Variants in ALYREF observed in about 807,000 individuals in gnomAD.
ALYREF encodes Aly/REF export factor.
A neutral mutation model predicts 25.2 loss-of-function variants in ALYREF; 1 was observed. The ratio of observed to expected loss-of-function variants is 0.04; its 90% CI spans 0.01 to 0.19. The LOEUF (loss-of-function observed/expected upper bound fraction) is 0.19, where lower values mean the gene tolerates loss of function less well. Ranked by LOEUF, ALYREF falls within the 10% of genes least tolerant of loss-of-function variation. ALYREF has a pLI of 1.00. For synonymous variants in ALYREF, 193 were observed against 153.5 expected, an observed-to-expected ratio of 1.26 and a Z score of -1.90; for missense variants, 328 against 375.6, an observed-to-expected ratio of 0.87 and a Z score of 1.05.
chr17:81,888,663 A>G lies in ALYREF; in HGVS notation c.539-80T>C. 1 of 1,539,556 alleles carries G rather than the reference A, an allele frequency of 6.5e-7. No homozygotes were observed. Among genetic ancestry groups the G allele is most frequent in the Middle Eastern group, 1.7e-4 (1 of 5,950 alleles). On this transcript the variant is annotated intron_variant, in intron 3 of 5. Transcript: ENST00000505490. The surrounding 1 kb of genome is among the most constrained non-coding windows in gnomAD (Gnocchi z 5.8). The stretch of plus-strand genomic sequence containing the variant: ...CAGCTGGCGCCACACCCTGGTCTCC[A>G]TGCAAACACTGGAAAGGGCCTCTGT...
At position 81,888,641 on chromosome 17, in the gene ALYREF, C is replaced by G; in HGVS notation, c.539-58G>C. 1.3e-6 allele frequency: 2 copies of G among 1,551,022 alleles called. No homozygotes were observed. Among genetic ancestry groups the G allele is most frequent in the Non-Finnish European group, 1.7e-6 (2 of 1,144,978 alleles). On this transcript the variant is annotated intron_variant, in intron 3 of 5. Transcript: ENST00000505490. This position sits in a 1 kb window ranked among gnomAD's most constrained non-coding sequence, Gnocchi z 5.8. Reference sequence around the variant, plus strand: ...TTGAGAGGCTCTGAAACCCACCCAGCTGGCGCCACACCCTGGTCTCCATGC... The same window carrying G: ...TTGAGAGGCTCTGAAACCCACCCAGGTGGCGCCACACCCTGGTCTCCATGC...
At position 81,888,031 on chromosome 17, in the gene ALYREF, C is replaced by T. The variant is rs1598289933; in HGVS notation, c.*100G>A. ...ATCCTATTTTAAAACATAAAAGAAA[C>T]AAATCCATCATTGGCCGCACAGCCC... On this transcript the variant is annotated 3_prime_UTR_variant, in exon 6 of 6. Coordinates refer to ENST00000505490, the MANE Select transcript of ALYREF (RefSeq NM_005782.4). This position sits in a 1 kb window ranked among gnomAD's most constrained non-coding sequence, Gnocchi z 5.8. 3 of 1,310,162 alleles carry T rather than the reference C, an allele frequency of 2.3e-6. No individual in the cohort carries two copies. Among genetic ancestry groups the T allele is most frequent in the Non-Finnish European group, 3.1e-6 (3 of 958,362 alleles). The allele number at this position is 1,310,162 out of a possible 1,614,324, so 81.2% of individuals were successfully genotyped here.
At chr17:81,889,655 G>A (rs966746035) in intron 2 of ALYREF, 5 of 272,750 alleles carry the variant, frequency 1.8e-5, no homozygotes. Context: ...CCCAAGGGCT[G>A]TTCCAAGAAA....
rs1182996881 is a variant in ALYREF at position 81,888,185 on chromosome 17, G to C, written c.781-40C>G. 6 of 1,613,952 alleles carry C rather than the reference G, an allele frequency of 3.7e-6. No individual in the cohort carries two copies. Among genetic ancestry groups the C allele is most frequent in the Non-Finnish European group, 4.2e-6 (5 of 1,180,024 alleles). The stretch of plus-strand genomic sequence containing the variant: ...AGAAAGAGGCTTGCATTCACAGGCG[G>C]CCTGCTCCCCACTGCGGCTTTGACC... On this transcript the variant is annotated intron_variant, in intron 5 of 5. Coordinates refer to ENST00000505490, the MANE Select transcript of ALYREF (RefSeq NM_005782.4). The surrounding 1 kb of genome is among the most constrained non-coding windows in gnomAD (Gnocchi z 5.8).
chr17:81,890,317 A>T (rs1361010743), intron 2 of ALYREF, among the ~76,000 whole-genome samples: 1 of 152,162 alleles, frequency 6.6e-6, no homozygotes, highest in Admixed American at 6.5e-5. Context: ...TACATAAAGA[A>T]GATTCTTTTT....
At chr17:81,889,463 A>T in intron 2 of ALYREF, 134 bp from the exon 3 acceptor site, 2 of 1,034,348 alleles carry the variant, frequency 1.9e-6, no homozygotes, top group South Asian at 2.9e-5. Flanking sequence ...TTAACGGGAA[A>T]TGAGGGAAGG....
Position 81,888,154 on chromosome 17 carries a change from C to T in ALYREF, c.781-9G>A. 1 of 1,614,146 alleles carries T rather than the reference C, an allele frequency of 6.2e-7. No homozygotes were observed. The highest frequency in any genetic ancestry group is 8.5e-7 in the Non-Finnish European group (1 of 1,180,022). On this transcript the variant is annotated splice_polypyrimidine_tract_variant and intron_variant, in intron 5 of 5. Coordinates refer to ENST00000505490, the MANE Select transcript of ALYREF (RefSeq NM_005782.4). This position sits in a 1 kb window ranked among gnomAD's most constrained non-coding sequence, Gnocchi z 5.8. ...GTTTAACTGGTGTCCATCTGAAACA[C>T]AGAGGAGAAAGAGGCTTGCATTCAC...
intron 1 of ALYREF, 45 bp downstream of exon 1, chr17:81,891,278 G>A: frequency 9.1e-7 from 1 of 1,102,562 alleles, no homozygotes; most frequent in Non-Finnish European, 1.1e-6. Flanking sequence ...CCCAGCCCCG[G>A]CTGGCCCCCT....
chr17:81,889,231 C>T lies in ALYREF; in HGVS notation c.489G>A (p.Lys163=), dbSNP rs746729109. The T allele has an allele frequency of 7.4e-6, 12 of 1,614,240 alleles. No individual in the cohort carries two copies. Among genetic ancestry groups the T allele is most frequent in the Admixed American group, 1.7e-5 (1 of 60,020 alleles). The part of the protein sequence containing the change: ...LGTADVHFER[K]ADALKAMKQY... ...GCTTCATGGCCTTCAGGGCATCTGC[C>T]TTCCGCTCAAAGTGCACGTCTGCTG... Residue 163 remains lysine (K), a synonymous_variant, in exon 3 of 6, where the codon AAG becomes AAA. Coordinates refer to ENST00000505490, the MANE Select transcript of ALYREF (RefSeq NM_005782.4).
chr17:81,890,842 G>A (rs746176831), intron 1 of ALYREF, 22 bp from the exon 2 acceptor site: 21 of 1,613,902 alleles, frequency 1.3e-5, no homozygotes, highest in Admixed American at 1.7e-5. Context: ...ACCGCAACAA[G>A]AGCAGATCTG....
In ALYREF at chr17:81,888,318, T is replaced by C; in HGVS notation, c.703A>G (p.Arg235Gly). The C allele has an allele frequency of 6.2e-7, 1 of 1,607,312 alleles. No individual in the cohort carries two copies. The highest frequency in any genetic ancestry group is 8.5e-7 in the Non-Finnish European group (1 of 1,179,198). The change falls in exon 5 of 6, where the codon AGA becomes GGA. Residue 235 changes from arginine (R) to glycine (G), a missense_variant. Coordinates refer to ENST00000505490, the MANE Select transcript of ALYREF (RefSeq NM_005782.4). This position sits in a 1 kb window ranked among gnomAD's most constrained non-coding sequence, Gnocchi z 5.8. ...GTRGGARGRG[R>G]GAGRNSKQQL... ...TGCTTTGAATTCCTGCCGGCACCTCTGCCTCTTCCACGGGCGCCTCCGCGG... is the reference window on the plus strand; with the variant it reads ...TGCTTTGAATTCCTGCCGGCACCTCCGCCTCTTCCACGGGCGCCTCCGCGG...
intron 2 of ALYREF, 94 bp downstream of exon 2, chr17:81,890,595 G>C (rs753770091): frequency 6.5e-7 from 1 of 1,542,136 alleles, no homozygotes; most frequent in Non-Finnish European, 8.7e-7. Context: ...GGCTCCCTTC[G>C]CTAAGGCGGG....
rs761373629 is a variant in ALYREF, at chr17:81,890,728, C to T, written c.351G>A (p.Val117=). The change falls in exon 2 of 6, where the codon GTG becomes GTA. Residue 117 remains valine (V), a synonymous_variant. Coordinates refer to ENST00000505490, the MANE Select transcript of ALYREF (RefSeq NM_005782.4). ...CTGAGACTCCAAAATCCAGATTGGA[C>T]ACCAGCAGTTTCCCACCTGTCTCCA... ...AGVETGGKLL[V]SNLDFGVSDA... 7 of 1,614,140 alleles carry T rather than the reference C, an allele frequency of 4.3e-6. No homozygotes were observed. The highest frequency in any genetic ancestry group is 3.3e-5 in the South Asian group (3 of 91,082).
chr17:81,891,450 C>T lies in ALYREF; in HGVS notation c.131G>A (p.Gly44Asp). Residue 44 changes from glycine to aspartate, a missense_variant, in exon 1 of 6, where the codon GGC becomes GAC. This residue lies in a region of ALYREF where 150 missense variants were observed against 135.3 expected (regional missense o/e 1.11). Coordinates refer to ENST00000505490, the MANE Select transcript of ALYREF (RefSeq NM_005782.4). ...GGCGGCCTGCGCCCCACCGCCGCGG[C>T]CGCCCTGGGAGCCGGCCCGGCCGCG... is the stretch of plus-strand genomic sequence containing the variant. Reference protein sequence around the residue: ...RGRGRAGSQGGRGGGAQAAAR... With the variant: ...RGRGRAGSQGDRGGGAQAAAR... 6.8e-6 allele frequency: 7 copies of T among 1,026,682 alleles called. No individual in the cohort carries two copies. Among genetic ancestry groups the T allele is most frequent in the Non-Finnish European group, 8.1e-6 (7 of 861,222 alleles). The allele number at this position is 1,026,682 out of a possible 1,614,324, so 63.6% of individuals were successfully genotyped here.
chr17:81,890,655 G>T (rs1426618914), intron 2 of ALYREF, 34 bp downstream of exon 2: 1 of 1,608,294 alleles, frequency 6.2e-7, no homozygotes, highest in South Asian at 1.1e-5. Context: ...CCTGTGCAGG[G>T]CGAACGGCTC....
intron 2 of ALYREF, among the ~76,000 whole-genome samples, chr17:81,890,166 C>T (rs1482455392): frequency 6.6e-6 from 1 of 152,068 alleles, no homozygotes; most frequent in Non-Finnish European, 1.5e-5. Flanking sequence ...AGAAAAGCTT[C>T]AACCAAAGAT....
At chr17:81,890,492 G>C (rs1028640655) in intron 2 of ALYREF, among the ~76,000 whole-genome samples, 197 bp downstream of exon 2, 5 of 152,194 alleles carry the variant, frequency 3.3e-5, no homozygotes, top group Admixed American at 6.6e-5. Flanking sequence ...AACAGCAGCA[G>C]TTCCTCAGGC....
chr17:81,891,389 G>T lies in ALYREF; in HGVS notation c.192C>A (p.Asn64Lys). 1 of 1,108,780 alleles carries T rather than the reference G, an allele frequency of 9.0e-7. No homozygotes were observed. The highest frequency in any genetic ancestry group is 5.0e-5 in the Admixed American group (1 of 19,900). The allele number at this position is 1,108,780 out of a possible 1,614,324, so 68.7% of individuals were successfully genotyped here. The change falls in exon 1 of 6, where the codon AAC (asparagine) becomes AAA (lysine). Residue 64 changes from asparagine (N) to lysine (K), a missense_variant. Physicochemically the swap from Asn to Lys is moderately conservative, Grantham distance 94. Transcript: ENST00000505490. Reference protein sequence around the residue: ...RVNRGGGPIRNRPAIARGAAG... With the variant: ...RVNRGGGPIRKRPAIARGAAG... ...CCGCGCCGCGGGCGATGGCCGGCCG[G>T]TTCCGGATGGGCCCGCCGCCTCGAT...
chr17:81,890,993 C>T, intron 1 of ALYREF, 173 bp from the exon 2 acceptor site: 1 of 973,552 alleles, frequency 1.0e-6, no homozygotes, highest in Middle Eastern at 3.2e-4. Flanking sequence ...CCGCACGGTC[C>T]CACCGCGGCC....
Sources: gnomAD v4.1 joint callset for allele counts (sites outside exome capture counted in the v4.1 genomes callset) on GRCh38, gnomAD v4.1.1 for gene constraint, gnomAD v4.1.1 regional missense constraint, Gnocchi (gnomAD v3.1) non-coding constraint, MANE v1.5 for transcripts, NCBI Gene and HGNC (gene_info 2026-07-23, HGNC 2026-07-21) for gene names.